Variants in PARD3B observed in about 807,000 individuals in gnomAD.
PARD3B encodes the protein par-3 family cell polarity regulator beta.
A neutral mutation model predicts 130.2 loss-of-function variants in PARD3B; 103 were observed. The ratio of observed to expected loss-of-function variants is 0.79; its 90% CI spans 0.67 to 0.93. PARD3B has a LOEUF of 0.93. Ranked by LOEUF, PARD3B falls within the 40% of genes least tolerant of loss-of-function variation. The pLI, the probability that PARD3B is intolerant of heterozygous loss-of-function variation, is 0.00. For synonymous variants in PARD3B, 583 were observed against 553.2 expected, an observed-to-expected ratio of 1.05 and a Z score of -0.76; for missense variants, 1,609 against 1,499.2, an observed-to-expected ratio of 1.07 and a Z score of -1.21.
chr2:204,889,545 T>G (rs957075328), intron 2 of PARD3B, among the ~76,000 whole-genome samples: 3 of 152,184 alleles, frequency 2.0e-5, no homozygotes, highest in Middle Eastern at 3.2e-3. Flanking sequence ...GCATTACCCA[T>G]GAAGCCAGCC....
chr2:205,045,948 T>G (rs1040884151), intron 3 of PARD3B, among the ~76,000 whole-genome samples: 2 of 152,178 alleles, frequency 1.3e-5, no homozygotes, highest in African/African-American at 4.8e-5. Flanking sequence ...TTGGTTTTAC[T>G]TTTTGTTTAT....
chr2:205,201,241 T>C (rs2036970994), intron 15 of PARD3B, among the ~76,000 whole-genome samples: 1 of 152,176 alleles, frequency 6.6e-6, no homozygotes, highest in Non-Finnish European at 1.5e-5. Context: ...GACTCACATA[T>C]GTTTAAAATT....
intron 20 of PARD3B, among the ~76,000 whole-genome samples, chr2:205,499,389 T>C (rs1439144487): frequency 6.6e-6 from 1 of 152,008 alleles, no homozygotes; most frequent in Non-Finnish European, 1.5e-5. Context: ...GTGTCCTAAC[T>C]GTACCCATAT....
Position 204,606,876 on chromosome 2 carries a change from G to A in PARD3B, c.120+60757G>A, listed in dbSNP as rs2033742404. 6.6e-6 allele frequency among the ~76,000 whole-genome samples: 1 copy of A among 152,132 alleles called. No individual in the cohort carries two copies. Among genetic ancestry groups the A allele is most frequent in the Admixed American group, 6.6e-5 (1 of 15,260 alleles). ...TAAAGTAGCAGTTTTGTTTGTGTGT[G>A]TGGTTTTTCTGGGAAATATTAAAGC... On this transcript the variant is annotated intron_variant, in intron 1 of 22. Transcript: ENST00000406610. The surrounding 1 kb of genome is among the most constrained non-coding windows in gnomAD (Gnocchi z 4.0).
At chr2:205,169,801 G>A (rs933215393) in intron 11 of PARD3B, among the ~76,000 whole-genome samples, 3 of 152,070 alleles carry the variant, frequency 2.0e-5, no homozygotes, top group Admixed American at 6.5e-5. Context: ...ATCCTAAAAC[G>A]ATTTTTAGTA....
At chr2:204,731,070 C>T (rs942685564) in intron 2 of PARD3B, among the ~76,000 whole-genome samples, 1 of 152,178 alleles carries the variant, frequency 6.6e-6, no homozygotes, top group Non-Finnish European at 1.5e-5. Flanking sequence ...TGGTTGATTA[C>T]AATGTGATGC....
At chr2:205,436,027 T>C (rs1310829699) in intron 19 of PARD3B, among the ~76,000 whole-genome samples, 1 of 152,038 alleles carries the variant, frequency 6.6e-6, no homozygotes, top group Non-Finnish European at 1.5e-5. Context: ...TGCCATCAGG[T>C]TCAGTGTCTG....
chr2:204,662,019 A>C (rs2035828320), intron 1 of PARD3B, among the ~76,000 whole-genome samples: 1 of 152,200 alleles, frequency 6.6e-6, no homozygotes, highest in South Asian at 2.1e-4. Context: ...GTAGTTTCTT[A>C]AGGATTTCTT....
chr2:205,346,956 C>A (rs1469109806), intron 18 of PARD3B, among the ~76,000 whole-genome samples: 1 of 146,418 alleles, frequency 6.8e-6, no homozygotes, highest in African/African-American at 2.7e-5. Flanking sequence ...GTATATTTTT[C>A]TACCATGGCT....
intron 2 of PARD3B, among the ~76,000 whole-genome samples, chr2:204,882,742 A>C (rs2046102615): frequency 6.6e-6 from 1 of 152,196 alleles, no homozygotes; most frequent in South Asian, 2.1e-4. Flanking sequence ...GAAATACAAA[A>C]TCTTGCCCTT....
chr2:205,331,484 A>G (rs746134762), intron 18 of PARD3B, among the ~76,000 whole-genome samples: 7 of 152,040 alleles, frequency 4.6e-5, no homozygotes, highest in Non-Finnish European at 1.5e-5. Flanking sequence ...TTCTGTTCTT[A>G]GAAAAGCCTG....
intron 4 of PARD3B, among the ~76,000 whole-genome samples, chr2:205,094,001 A>G (rs887167971): frequency 1.3e-5 from 2 of 152,138 alleles, no homozygotes; most frequent in Non-Finnish European, 2.9e-5. Context: ...TCCACATGCT[A>G]TAAGAACCCA....
At chr2:204,716,857 C>T (rs369773579) in intron 2 of PARD3B, among the ~76,000 whole-genome samples, 6 of 152,214 alleles carry the variant, frequency 3.9e-5, no homozygotes, top group Middle Eastern at 3.4e-3. Context: ...CTCCTGACCT[C>T]GTGATCTGCC....
chr2:205,564,723 A>G lies in PARD3B; in HGVS notation c.3260+11320A>G, dbSNP rs1232546115. Among the ~76,000 whole-genome samples the G allele has an allele frequency of 6.6e-6, 1 of 152,174 alleles. No individual in the cohort carries two copies. Among genetic ancestry groups the G allele is most frequent in the Admixed American group, 6.5e-5 (1 of 15,278 alleles). ...CGAGCCCATCTGTGCCCTGGATCTC[A>G]TGTGACACAGGCCCCACGACCTCGA... On this transcript the variant is annotated intron_variant, in intron 22 of 22. Transcript: ENST00000406610. The surrounding 1 kb of genome is among the most constrained non-coding windows in gnomAD (Gnocchi z 4.6).
chr2:204,918,487 G>C (rs1322328692), intron 2 of PARD3B, among the ~76,000 whole-genome samples: 1 of 151,662 alleles, frequency 6.6e-6, no homozygotes, highest in Admixed American at 6.6e-5. Context: ...AAAATTAACC[G>C]GGCGTAGTGG....
chr2:204,654,665 G>A (rs889193329), intron 1 of PARD3B, among the ~76,000 whole-genome samples: 1 of 152,174 alleles, frequency 6.6e-6, no homozygotes, highest in African/African-American at 2.4e-5. Flanking sequence ...CTGAAGTTGA[G>A]ATTTTTGGAG....
At chr2:204,839,733 A>G (rs373812129) in intron 2 of PARD3B, among the ~76,000 whole-genome samples, 4 of 152,182 alleles carry the variant, frequency 2.6e-5, no homozygotes, top group African/African-American at 7.2e-5. Context: ...AAGAAAAAAC[A>G]TCATCTTATG....
chr2:204,781,340 AC>A (rs374466229), intron 2 of PARD3B, among the ~76,000 whole-genome samples: 11 of 152,172 alleles, frequency 7.2e-5, no homozygotes, highest in East Asian at 1.9e-4. Context: ...GCACAAAAAA[AC>A]ATTAAGGTTC....
chr2:205,435,548 GTTTAT>G (rs1472447510), intron 19 of PARD3B, among the ~76,000 whole-genome samples: 1 of 151,766 alleles, frequency 6.6e-6, no homozygotes, highest in African/African-American at 2.4e-5. Flanking sequence ...ATGGTAAAGA[GTTTAT>G]TTTGTGTATT....
Sources: allele counts gnomAD v4.1 joint callset (sites outside exome capture counted in the v4.1 genomes callset), GRCh38; gene constraint gnomAD v4.1.1; non-coding constraint Gnocchi (gnomAD v3.1); transcripts MANE v1.5; gene names NCBI Gene and HGNC (gene_info 2026-07-23, HGNC 2026-07-21).